The following KLF12 variants were observed in gnomAD, a reference collection of about 807,000 sequenced individuals.
KLF12 encodes the protein Krueppel-like factor 12.
KLF12 carries 9 observed loss-of-function variants against 37.8 expected under a neutral mutation model. The ratio of observed to expected loss-of-function variants is 0.24; its 90% confidence interval spans 0.14 to 0.42. The LOEUF is 0.42. Among genes scored for constraint, KLF12 ranks in the 10% least tolerant of loss-of-function variants. KLF12 has a pLI of 1.00. For synonymous variants in KLF12, 208 were observed against 202.1 expected, an observed-to-expected ratio of 1.03 and a Z score of -0.25; for missense variants, 411 against 516.0, an observed-to-expected ratio of 0.80 and a Z score of 1.97.
intron 5 of KLF12, among the ~76,000 whole-genome samples, chr13:73,774,580 C>T (rs564286460): frequency 2.6e-5 from 4 of 151,890 alleles, no homozygotes; most frequent in East Asian, 1.9e-4. Context: ...GTTCGAGCAA[C>T]GATAATTTAT....
intron 3 of KLF12, among the ~76,000 whole-genome samples, chr13:73,915,914 A>C (rs568349972): frequency 1.3e-5 from 2 of 151,730 alleles, no homozygotes; most frequent in East Asian, 3.9e-4. Flanking sequence ...TTTTCCATGC[A>C]ATTTTTCTAA....
chr13:74,108,483 T>C (rs1178653580), intron 1 of KLF12, among the ~76,000 whole-genome samples: 3 of 152,170 alleles, frequency 2.0e-5, no homozygotes, highest in East Asian at 1.9e-4. Context: ...TTTTCAAACA[T>C]ACAGTTGACC....
intron 3 of KLF12, among the ~76,000 whole-genome samples, chr13:73,930,061 G>T (rs1402528446): frequency 6.6e-6 from 1 of 152,184 alleles, no homozygotes; most frequent in Non-Finnish European, 1.5e-5. Flanking sequence ...GCTATATAAA[G>T]TAGGGTCAGA....
At chr13:73,910,225 C>T (rs140720887) in intron 3 of KLF12, among the ~76,000 whole-genome samples, 254 of 152,132 alleles carry the variant, frequency 1.7e-3, no homozygotes, top group African/African-American at 5.6e-3. Flanking sequence ...TTATTTTCCC[C>T]AGAAAAAGTT....
intron 5 of KLF12, chr13:73,801,391 T>A (rs1156423178): frequency 1.3e-5 from 2 of 152,106 alleles, no homozygotes; most frequent in Non-Finnish European, 2.9e-5. Context: ...TTTTCTATCA[T>A]GTGTACTCTC....
the KLF12 span, among the ~76,000 whole-genome samples, chr13:74,198,451 G>T: frequency 6.6e-6 from 1 of 152,098 alleles, no homozygotes; most frequent in South Asian, 2.1e-4. Flanking sequence ...TGCTCTAAGC[G>T]TGGTCCTGAG....
At chr13:73,818,747 C>A (rs552868318) in intron 4 of KLF12, among the ~76,000 whole-genome samples, 11 of 152,232 alleles carry the variant, frequency 7.2e-5, no homozygotes, top group African/African-American at 2.4e-4. Context: ...CACCTCCACG[C>A]GCCAGGGCTG....
At chr13:74,101,430 C>T (rs1285098007) in intron 1 of KLF12, among the ~76,000 whole-genome samples, 4 of 152,050 alleles carry the variant, frequency 2.6e-5, no homozygotes, top group African/African-American at 9.7e-5. Context: ...TTTAAACTTC[C>T]CCACATAGAC....
At chr13:74,280,901 A>C in the KLF12 span, among the ~76,000 whole-genome samples, 1 of 148,056 alleles carries the variant, frequency 6.8e-6, no homozygotes, top group Non-Finnish European at 1.5e-5. Flanking sequence ...ACTCAAGAAT[A>C]TACTAACCTT....
At chr13:73,795,564 AT>A (rs1229513886) in intron 5 of KLF12, among the ~76,000 whole-genome samples, 1 of 152,236 alleles carries the variant, frequency 6.6e-6, no homozygotes. Flanking sequence ...ATCTGGATAA[AT>A]CAGTAATGTT....
chr13:74,271,469 TA>T, the KLF12 span, among the ~76,000 whole-genome samples: 1 of 152,202 alleles, frequency 6.6e-6, no homozygotes, highest in Non-Finnish European at 1.5e-5. Flanking sequence ...GGACCATTTT[TA>T]TATCATAGCA....
chr13:73,733,154 T>C (rs973208172), intron 6 of KLF12, among the ~76,000 whole-genome samples: 10 of 152,158 alleles, frequency 6.6e-5, no homozygotes, highest in African/African-American at 2.2e-4. Context: ...GAAATATACA[T>C]AGCATGAAAT....
intron 3 of KLF12, among the ~76,000 whole-genome samples, chr13:73,937,853 G>A (rs1382787521): frequency 6.6e-6 from 1 of 152,024 alleles, no homozygotes; most frequent in Non-Finnish European, 1.5e-5. Context: ...CATCTTTAGT[G>A]GAGGATACCT....
intron 1 of KLF12, among the ~76,000 whole-genome samples, chr13:74,050,691 CACAGG>C (rs1872862464): frequency 6.6e-6 from 1 of 152,150 alleles, no homozygotes; most frequent in Middle Eastern, 3.2e-3. Context: ...ACCCCAAAAG[CACAGG>C]CAACAAAAGC....
At chr13:73,733,428 T>C (rs1158253867) in intron 6 of KLF12, among the ~76,000 whole-genome samples, 2 of 152,088 alleles carry the variant, frequency 1.3e-5, no homozygotes, top group African/African-American at 2.4e-5. Flanking sequence ...TGTCTGTCTG[T>C]CTTATTTCAC....
intron 5 of KLF12, among the ~76,000 whole-genome samples, chr13:73,785,907 G>T (rs1881311042): frequency 6.6e-6 from 1 of 152,152 alleles, no homozygotes; most frequent in Admixed American, 6.5e-5. Flanking sequence ...AGGCAGCTCA[G>T]CATTCCTTCC....
intron 3 of KLF12, among the ~76,000 whole-genome samples, chr13:73,855,791 G>A (rs879911785): frequency 1.5e-4 from 23 of 151,622 alleles, no homozygotes; most frequent in South Asian, 6.3e-4. Context: ...CATTCTGACT[G>A]GTATGACATG....
the KLF12 span, among the ~76,000 whole-genome samples, chr13:74,254,259 T>G: frequency 6.6e-6 from 1 of 152,130 alleles, no homozygotes; most frequent in African/African-American, 2.4e-5. Flanking sequence ...TTAACTAGGA[T>G]AAAACAGGCC....
chr13:73,775,972 G>C (rs1242478502), intron 5 of KLF12, among the ~76,000 whole-genome samples: 1 of 152,044 alleles, frequency 6.6e-6, no homozygotes, highest in African/African-American at 2.4e-5. Flanking sequence ...ACGTCGTTTG[G>C]TTCACAGGCA....
Sources: gnomAD v4.1 joint callset for allele counts (sites outside exome capture counted in the v4.1 genomes callset) on GRCh38, gnomAD v4.1.1 for gene constraint, MANE v1.5 for transcripts, NCBI Gene and HGNC (gene_info 2026-07-23, HGNC 2026-07-21) for gene names.